TNRC6B: variants seen among roughly 807,000 people sequenced by gnomAD.
TNRC6B encodes trinucleotide repeat containing adaptor 6B.
A neutral mutation model predicts 203.6 loss-of-function variants in TNRC6B; 52 were observed. The observed-to-expected ratio is 0.26, with a 90% CI of 0.20 to 0.32. The LOEUF (loss-of-function observed/expected upper bound fraction) is 0.32, where lower values mean the gene tolerates loss of function less well. Among genes scored for constraint, TNRC6B ranks in the 10% least tolerant of loss-of-function variants. The pLI is 1.00. For missense variants in TNRC6B, 1,923 were observed against 2,286.2 expected (o/e 0.84, Z 3.24); for synonymous variants, 838 against 845.7 (o/e 0.99, Z 0.16).
chr22:40,153,890 A>C (rs964906830), intron 3 of TNRC6B, among the ~76,000 whole-genome samples: 1 of 151,012 alleles, frequency 6.6e-6, no homozygotes, highest in Non-Finnish European at 1.5e-5. Flanking sequence ...AGTAATTTAA[A>C]TTATAATAAA....
At chr22:40,218,686 T>A (rs1054049410) in intron 1 of TNRC6B, among the ~76,000 whole-genome samples, 1 of 152,136 alleles carries the variant, frequency 6.6e-6, no homozygotes, top group Non-Finnish European at 1.5e-5. Context: ...TTTTATTTCT[T>A]TGTTTAACAA....
rs750483801 is a variant in TNRC6B, at chr22:40,265,512, G to T, written c.1282G>T (p.Ala428Ser). Residue 428 changes from alanine (A) to serine (S), a missense_variant, in exon 5 of 23, where the codon GCT (alanine) becomes TCT (serine). Transcript: ENST00000454349. The part of the protein sequence containing the change: ...KTGSVGSWGA[A>S]RGPSGTDTVS... ...TGGGAGTGTTGGATCTTGGGGTGCAGCTAGGGGGCCTTCTGGAACTGACAC... is the reference window on the plus strand; with the variant it reads ...TGGGAGTGTTGGATCTTGGGGTGCATCTAGGGGGCCTTCTGGAACTGACAC... 9.3e-6 allele frequency: 15 copies of T among 1,613,782 alleles called. No individual in the cohort carries two copies. The African/African-American group carries it at 1.9e-4, about 20-fold the overall frequency.
At chr22:40,064,868 C>T (rs779642665) in intron 1 of TNRC6B, among the ~76,000 whole-genome samples, 3 of 152,022 alleles carry the variant, frequency 2.0e-5, no homozygotes, top group Non-Finnish European at 4.4e-5. Flanking sequence ...CTGCCCACCT[C>T]GGCCTTCCAA....
chr22:40,315,248 A>T (rs763773805), intron 19 of TNRC6B, 35 bp from the exon 20 acceptor site: 5 of 1,569,660 alleles, frequency 3.2e-6, no homozygotes, highest in African/African-American at 2.7e-5. Flanking sequence ...TGAACCGTCT[A>T]ACCTTATTCC....
At chr22:40,075,156 A>ATATATATATATATATATTTTTTTT in intron 1 of TNRC6B, among the ~76,000 whole-genome samples, 1 of 35,568 alleles carries the variant, frequency 2.8e-5, no homozygotes, top group African/African-American at 1.0e-4. Context: ...ATATATATAT[A>ATATATATATATATATATTTTTTTT]TTTTTTTTTT....
chr22:40,125,913 G>T, intron 3 of TNRC6B: 2 of 1,558,616 alleles, frequency 1.3e-6, no homozygotes, highest in Admixed American at 2.0e-5. Flanking sequence ...AACAGTAGAG[G>T]CTGTGGATGA....
Position 40,312,666 on chromosome 22 carries a change from C to T in TNRC6B, c.4582+15C>T, listed in dbSNP as rs756044923. 26 of 1,605,314 alleles carry T rather than the reference C, an allele frequency of 1.6e-5. No homozygotes were observed. Among genetic ancestry groups the T allele is most frequent in the Non-Finnish European group, 2.0e-5 (24 of 1,176,440 alleles). ...TAACACCACAGGTACTTGAGCAAAG[C>T]ATCTCTTATATGTTCAACACCCAGC... On this transcript the variant is annotated intron_variant, in intron 18 of 22. Coordinates refer to ENST00000454349, the MANE Select transcript of TNRC6B (RefSeq NM_001162501.2).
chr22:40,286,794 T>C (rs1274095580), intron 12 of TNRC6B, among the ~76,000 whole-genome samples: 2 of 152,166 alleles, frequency 1.3e-5, no homozygotes, highest in African/African-American at 4.8e-5. Context: ...ACCACATACT[T>C]TCCCTGTTCC....
intron 3 of TNRC6B, among the ~76,000 whole-genome samples, chr22:40,132,787 C>CA (rs1268555423): frequency 2.1e-5 from 3 of 144,232 alleles, no homozygotes; most frequent in Non-Finnish European, 1.5e-5. Flanking sequence ...ACTAAAAATA[C>CA]AAAAAAATTA....
rs1400242574 is a variant in TNRC6B at position 40,331,657 on chromosome 22, T to A, written c.*8416T>A. 5 of 326,796 alleles carry A rather than the reference T, an allele frequency of 1.5e-5. No homozygotes were observed. The highest frequency in any genetic ancestry group is 8.7e-5 in the African/African-American group (4 of 46,048). The allele number at this position is 326,796 out of a possible 1,614,324, so 20.2% of individuals were successfully genotyped here. A position where few individuals can be genotyped will look rare whatever the true frequency, so the allele number is the denominator to read the frequency against. ...AAGAGGTTGTTGGATTTTTTTTTTT[T>A]TTTTTTTTTTTTTCAAAAAAAAAAG... On this transcript the variant is annotated 3_prime_UTR_variant, in exon 23 of 23. Coordinates refer to ENST00000454349, the MANE Select transcript of TNRC6B (RefSeq NM_001162501.2).
chr22:40,072,608 A>G (rs529198254), intron 1 of TNRC6B, among the ~76,000 whole-genome samples: 1 of 152,270 alleles, frequency 6.6e-6, no homozygotes, highest in South Asian at 2.1e-4. Flanking sequence ...TGAGGCCTGT[A>G]ATCCCAGCAC....
chr22:40,331,282 G>T lies in TNRC6B; in HGVS notation c.*8041G>T, dbSNP rs921159132. 1.3e-5 allele frequency: 2 copies of T among 157,534 alleles called. No homozygotes were observed. Among genetic ancestry groups the T allele is most frequent in the African/African-American group, 4.8e-5 (2 of 41,690 alleles). 9.8% of individuals were successfully genotyped at this position (157,534 alleles called of 1,614,324 possible). On this transcript the variant is annotated 3_prime_UTR_variant, in exon 23 of 23. Coordinates refer to ENST00000454349, the MANE Select transcript of TNRC6B (RefSeq NM_001162501.2). Reference sequence around the variant, plus strand: ...GGTTTTGAAGAGTTAAGATTGAAGTGTTTGAGAAAGAAAAGAGAAAAATCT... The same window carrying T: ...GGTTTTGAAGAGTTAAGATTGAAGTTTTTGAGAAAGAAAAGAGAAAAATCT...
intron 1 of TNRC6B, among the ~76,000 whole-genome samples, chr22:40,240,707 G>A (rs1483140052): frequency 6.6e-6 from 1 of 152,186 alleles, no homozygotes; most frequent in Non-Finnish European, 1.5e-5. Context: ...ATTTAGAGAT[G>A]AGAGAAAATA....
At chr22:40,264,273 T>A (rs1047289243) in intron 4 of TNRC6B, among the ~76,000 whole-genome samples, 13 of 152,192 alleles carry the variant, frequency 8.5e-5, no homozygotes, top group South Asian at 4.1e-4. Context: ...TTCAGCTTTA[T>A]TCTTGTGCAC....
intron 16 of TNRC6B, among the ~76,000 whole-genome samples, chr22:40,309,296 T>C (rs897768381): frequency 2.0e-5 from 3 of 152,248 alleles, no homozygotes; most frequent in Non-Finnish European, 4.4e-5. Context: ...TTGACAGTAA[T>C]TCACTTGGAC....
At position 40,270,291 on chromosome 22, in the gene TNRC6B, A is replaced by G. The variant is rs752340136; in HGVS notation, c.2965+11A>G. Reference sequence around the variant, plus strand: ...ATGCCATGAAGCCTAGTAAGTGTGAAGCTTTTCATTTTTGAGGGATCCTTT... The same window carrying G: ...ATGCCATGAAGCCTAGTAAGTGTGAGGCTTTTCATTTTTGAGGGATCCTTT... On this transcript the variant is annotated intron_variant, in intron 6 of 22. Coordinates refer to ENST00000454349, the MANE Select transcript of TNRC6B (RefSeq NM_001162501.2). 1.5e-6 allele frequency: 2 copies of G among 1,352,910 alleles called. No individual in the cohort carries two copies. The highest frequency in any genetic ancestry group is 3.0e-5 in the East Asian group (1 of 32,996). 83.8% of individuals were successfully genotyped at this position (1,352,910 alleles called of 1,614,324 possible).
intron 1 of TNRC6B, among the ~76,000 whole-genome samples, chr22:40,046,450 T>C (rs2067688645): frequency 6.6e-6 from 1 of 152,152 alleles, no homozygotes; most frequent in South Asian, 2.1e-4. Flanking sequence ...ATAATAATAC[T>C]TTTATATTTT....
chr22:40,234,325 C>A (rs1320294348), intron 1 of TNRC6B, among the ~76,000 whole-genome samples: 6 of 152,154 alleles, frequency 3.9e-5, no homozygotes, highest in Non-Finnish European at 7.4e-5. Flanking sequence ...ACTGTAATTA[C>A]ACATTGAAAC....
intron 3 of TNRC6B, among the ~76,000 whole-genome samples, chr22:40,150,111 G>A (rs566030806): frequency 6.6e-6 from 1 of 152,284 alleles, no homozygotes; most frequent in African/African-American, 2.4e-5. Flanking sequence ...CCCTTCTAAA[G>A]TGCCACTAAA....
Sources: allele counts gnomAD v4.1 joint callset (sites outside exome capture counted in the v4.1 genomes callset), GRCh38; gene constraint gnomAD v4.1.1; transcripts MANE v1.5; gene names NCBI Gene and HGNC (gene_info 2026-07-23, HGNC 2026-07-21).